Variants in ZNF143 observed in about 807,000 individuals in gnomAD.
ZNF143 encodes the protein zinc finger protein 143.
ZNF143 carries 49 observed loss-of-function variants against 74.1 expected under a neutral mutation model. That is an observed-to-expected ratio of 0.66 (90% confidence interval 0.53 to 0.84). ZNF143 has a LOEUF of 0.84. ZNF143 is among the 40% of genes least tolerant of loss of function. The pLI is 0.00. For missense variants in ZNF143, 637 were observed against 793.4 expected (o/e 0.80, Z 2.37); for synonymous variants, 304 against 282.8 (o/e 1.07, Z -0.75).
At chr11:9,491,649 A>G (rs1240853386) in intron 7 of ZNF143, among the ~76,000 whole-genome samples, 2 of 151,922 alleles carry the variant, frequency 1.3e-5, no homozygotes, top group Non-Finnish European at 2.9e-5. Context: ...AAAAAAAAAA[A>G]GACAGGTGTC....
chr11:9,522,504 G>GT (rs1239071393), intron 14 of ZNF143, among the ~76,000 whole-genome samples: 10 of 151,814 alleles, frequency 6.6e-5, no homozygotes, highest in Non-Finnish European at 1.2e-4. Flanking sequence ...TTTGTTTTTT[G>GT]TTTTTTTGAG....
At chr11:9,526,213 G>T (rs1327781595) in intron 15 of ZNF143, among the ~76,000 whole-genome samples, 2 of 152,092 alleles carry the variant, frequency 1.3e-5, no homozygotes, top group Middle Eastern at 3.4e-3. Flanking sequence ...AATTAGCCAG[G>T]TGTGGTGGTG....
At chr11:9,503,175 ATTCT>A (rs1420194225) in intron 11 of ZNF143, among the ~76,000 whole-genome samples, 2 of 152,282 alleles carry the variant, frequency 1.3e-5, no homozygotes, top group South Asian at 2.1e-4. Context: ...CAACTTTTAA[ATTCT>A]TTCTTTTTTC....
At chr11:9,521,556 C>T (rs1320218830) in intron 14 of ZNF143, among the ~76,000 whole-genome samples, 2 of 150,460 alleles carry the variant, frequency 1.3e-5, no homozygotes, top group Admixed American at 6.6e-5. Context: ...TTTCTTTTTG[C>T]GGAGGTTTTT....
At chr11:9,498,803 A>G (rs1848057380) in intron 10 of ZNF143, among the ~76,000 whole-genome samples, 1 of 152,218 alleles carries the variant, frequency 6.6e-6, no homozygotes, top group East Asian at 1.9e-4. Context: ...CTGTGTCCCC[A>G]TGTATGGAAA....
intron 11 of ZNF143, 75 bp downstream of exon 11, chr11:9,501,345 C>A: frequency 6.6e-7 from 1 of 1,516,192 alleles, no homozygotes; most frequent in Non-Finnish European, 9.0e-7. Context: ...GAAACCATTT[C>A]CAACTAATCT....
chr11:9,486,448 T>TATATATTATATATATAATATATTATA, intron 7 of ZNF143, among the ~76,000 whole-genome samples: 1 of 55,162 alleles, frequency 1.8e-5, no homozygotes. Flanking sequence ...TAATATATTA[T>TATATATTATATATATAATATATTATA]ATATATTATA....
intron 14 of ZNF143, 95 bp from the exon 15 acceptor site, chr11:9,525,145 C>G: frequency 6.9e-7 from 1 of 1,449,104 alleles, no homozygotes. Flanking sequence ...TTTTCCTTTT[C>G]AATTTGAAGA....
At chr11:9,462,704 G>T (rs1855941992) in intron 1 of ZNF143, among the ~76,000 whole-genome samples, 1 of 151,892 alleles carries the variant, frequency 6.6e-6, no homozygotes. Context: ...TGAAACCCCC[G>T]TCTCTGCGAA....
intron 14 of ZNF143, among the ~76,000 whole-genome samples, chr11:9,524,064 A>AT (rs1257836999): frequency 6.6e-6 from 1 of 151,432 alleles, no homozygotes; most frequent in Non-Finnish European, 1.5e-5. Context: ...AAAAAAAAAA[A>AT]AGGATTTGAG....
chr11:9,481,554 A>G (rs1283906602), intron 7 of ZNF143, among the ~76,000 whole-genome samples: 1 of 152,128 alleles, frequency 6.6e-6, no homozygotes, highest in African/African-American at 2.4e-5. Flanking sequence ...CTTATTGGTA[A>G]CTGACAAGTA....
chr11:9,526,645 T>C (rs2134290714), intron 15 of ZNF143, among the ~76,000 whole-genome samples: 1 of 152,226 alleles, frequency 6.6e-6, no homozygotes, highest in Non-Finnish European at 1.5e-5. Context: ...TCTCACTATG[T>C]TGCTCAGGCT....
At chr11:9,487,495 C>G (rs1316703943) in intron 7 of ZNF143, among the ~76,000 whole-genome samples, 1 of 151,054 alleles carries the variant, frequency 6.6e-6, no homozygotes, top group Non-Finnish European at 1.5e-5. Context: ...GTAGCTGGGA[C>G]TACAGGCGCC....
chr11:9,474,574 A>G lies in ZNF143; in HGVS notation c.314A>G (p.Asp105Gly), dbSNP rs1565026414. 3 of 1,614,172 alleles carry G rather than the reference A, an allele frequency of 1.9e-6. No individual in the cohort carries two copies. The highest frequency in any genetic ancestry group is 2.5e-6 in the Non-Finnish European group (3 of 1,180,030). ...KSTGDSLRLE[D>G]GQAVQLEDGT... is the part of the protein sequence containing the mutation. ...GCAGGGGACAGTTTGCGTCTAGAGGATGGTCAAGCAGTACAGTTAGAAGAT... is the reference window on the plus strand; with the variant it reads ...GCAGGGGACAGTTTGCGTCTAGAGGGTGGTCAAGCAGTACAGTTAGAAGAT... Residue 105 changes from aspartate (D) to glycine (G), a missense_variant, in exon 5 of 16, where the codon GAT becomes GGT. Physicochemically the swap from Asp to Gly is moderately conservative, Grantham distance 94 (BLOSUM62 -1). Around this residue, in one of 2 missense-constraint regions of ZNF143, gnomAD observed 293 missense variants for 307.8 expected, o/e 0.95. Coordinates refer to ENST00000396602, the MANE Select transcript of ZNF143 (RefSeq NM_003442.6).
chr11:9,474,753 G>C, intron 5 of ZNF143, 120 bp downstream of exon 5: 3 of 1,041,894 alleles, frequency 2.9e-6, no homozygotes, highest in Non-Finnish European at 4.2e-6. Flanking sequence ...ATTCATTAAA[G>C]TACAAGGTGG....
intron 1 of ZNF143, 89 bp from the exon 2 acceptor site, chr11:9,471,213 G>T: frequency 9.2e-7 from 1 of 1,083,208 alleles, no homozygotes; most frequent in Non-Finnish European, 1.3e-6. Flanking sequence ...TACATCCTCA[G>T]CAGCTTTTTG....
At position 9,484,954 on chromosome 11, in the gene ZNF143, C is replaced by T. The variant is rs1392233518; in HGVS notation, c.645+5408C>T. ...CTGGGACTACAGGCGCCCGCCACCACGCCCGGCTAATTTTTTGTATTTTTA... is the reference window on the plus strand; with the variant it reads ...CTGGGACTACAGGCGCCCGCCACCATGCCCGGCTAATTTTTTGTATTTTTA... On this transcript the variant is annotated intron_variant, in intron 7 of 15. Transcript: ENST00000396602. 3.3e-5 allele frequency among the ~76,000 whole-genome samples: 5 copies of T among 150,076 alleles called. 1 individual carries two copies. The highest frequency in any genetic ancestry group is 7.5e-5 in the African/African-American group (3 of 39,920).
rs1554962398 is a variant in ZNF143, at chr11:9,477,198, T to TTTCCCTCCC, written c.374-1185_374-1177dup. On this transcript the variant is annotated intron_variant, in intron 5 of 15. Transcript: ENST00000396602. ...CCTCTCCCTTCCCTCCTTTCCCTCCTTTCCCTCCCTTCCCTTCCTTCCCTT... is the reference window on the plus strand; with the variant it reads ...CCTCTCCCTTCCCTCCTTTCCCTCCTTTCCCTCCCTTCCCTCCCTTCCCTTCCTTCCCTT... 7.1e-4 allele frequency among the ~76,000 whole-genome samples: 75 copies of TTTCCCTCCC among 105,150 alleles called. 2 individuals carry two copies. Among genetic ancestry groups the TTTCCCTCCC allele is most frequent in the African/African-American group, 3.3e-3 (69 of 20,628 alleles). 69.0% of individuals were successfully genotyped at this position (105,150 alleles called of 152,430 possible).
intron 8 of ZNF143, 24 bp from the exon 9 acceptor site, chr11:9,496,279 A>G: frequency 1.2e-6 from 2 of 1,611,570 alleles, no homozygotes; most frequent in Non-Finnish European, 1.7e-6. Context: ...AGGAAATAGA[A>G]TCATGCCTGC....
Sources: gnomAD v4.1 joint callset for allele counts (sites outside exome capture counted in the v4.1 genomes callset) on GRCh38, gnomAD v4.1.1 for gene constraint, gnomAD v4.1.1 regional missense constraint, MANE v1.5 for transcripts, NCBI Gene and HGNC (gene_info 2026-07-23, HGNC 2026-07-21) for gene names.